The following NRP1 variants were observed in gnomAD, a reference collection of about 807,000 sequenced individuals.
NRP1 encodes the protein neuropilin-1.
Under a neutral mutation model 106.7 loss-of-function variants are expected in NRP1, and 35 were observed. The observed-to-expected ratio is 0.33, with a 90% CI of 0.25 to 0.43. The LOEUF (loss-of-function observed/expected upper bound fraction) is 0.43, where lower values mean the gene tolerates loss of function less well. NRP1 is among the 20% of genes least tolerant of loss of function. NRP1 has a pLI of 1.00. For missense variants in NRP1, 1,024 were observed against 1,170.4 expected (o/e 0.87, Z 1.83); for synonymous variants, 437 against 417.9 (o/e 1.05, Z -0.56).
intron 2 of NRP1, 44 bp downstream of exon 2, chr10:33,330,664 C>T: frequency 6.4e-7 from 1 of 1,552,298 alleles, no homozygotes; most frequent in Non-Finnish European, 8.8e-7. Context: ...GGCGTGACCA[C>T]TAGATGGTGC....
intron 3 of NRP1, among the ~76,000 whole-genome samples, chr10:33,264,111 T>C (rs1347364184): frequency 6.6e-6 from 1 of 152,242 alleles, no homozygotes; most frequent in Admixed American, 6.5e-5. Flanking sequence ...AGACTTCTGC[T>C]GTTGCAGGGA....
At chr10:33,191,956 C>T (rs1164658898) in intron 13 of NRP1, among the ~76,000 whole-genome samples, 1 of 105,896 alleles carries the variant, frequency 9.4e-6, no homozygotes, top group Non-Finnish European at 1.8e-5. Flanking sequence ...CCAGCCCGGG[C>T]AACAGTGTGA....
intron 2 of NRP1, among the ~76,000 whole-genome samples, chr10:33,305,893 C>T (rs926914304): frequency 1.1e-4 from 17 of 152,006 alleles, no homozygotes; most frequent in Admixed American, 7.2e-4. Context: ...CTCAGCCTCC[C>T]GAGTAGCTGG....
At chr10:33,246,134 T>TC (rs1442525991) in intron 6 of NRP1, among the ~76,000 whole-genome samples, 1 of 151,792 alleles carries the variant, frequency 6.6e-6, no homozygotes, top group Non-Finnish European at 1.5e-5. Context: ...TTCTTTCTTT[T>TC]TTTTTTTTTG....
intron 2 of NRP1, among the ~76,000 whole-genome samples, chr10:33,303,703 T>C (rs1224185586): frequency 6.6e-6 from 1 of 152,242 alleles, no homozygotes; most frequent in Non-Finnish European, 1.5e-5. Flanking sequence ...CTTTTGCACA[T>C]TTAGCAAACA....
rs116135909 is a variant in NRP1, at chr10:33,228,523, C to T, written c.982-2234G>A. ...TTAATTCTCCAGTGCCCATGGGCCA[C>T]GAACACTTAAAGAATTTCCATTCTA... On this transcript the variant is annotated intron_variant, in intron 6 of 16. Coordinates refer to ENST00000374867, the MANE Select transcript of NRP1 (RefSeq NM_003873.7). Among the ~76,000 whole-genome samples the T allele has an allele frequency of 5.6e-3, 851 of 152,324 alleles. 13 individuals are homozygous for T. The highest frequency in any genetic ancestry group is 0.017 in the African/African-American group (724 of 41,572).
chr10:33,292,456 A>G (rs559095430), intron 2 of NRP1, among the ~76,000 whole-genome samples: 1 of 152,306 alleles, frequency 6.6e-6, no homozygotes, highest in African/African-American at 2.4e-5. Flanking sequence ...AAAAATATAT[A>G]TGCATTTTGA....
intron 12 of NRP1, among the ~76,000 whole-genome samples, chr10:33,193,033 T>C (rs569288095): frequency 4.6e-5 from 7 of 152,378 alleles, no homozygotes; most frequent in African/African-American, 1.7e-4. Context: ...TCTGCTTTTT[T>C]AATTTCTAAA....
At chr10:33,220,327 T>C (rs1435450279) in intron 8 of NRP1, among the ~76,000 whole-genome samples, 1 of 151,916 alleles carries the variant, frequency 6.6e-6, no homozygotes, top group Admixed American at 6.6e-5. Context: ...AACAGAAAAA[T>C]GGAATAAAAA....
At chr10:33,312,555 G>C (rs1846680789) in intron 2 of NRP1, among the ~76,000 whole-genome samples, 1 of 152,224 alleles carries the variant, frequency 6.6e-6, no homozygotes, top group Non-Finnish European at 1.5e-5. Flanking sequence ...TATTTACAGT[G>C]TGATTTGCTT....
chr10:33,301,768 T>C (rs1312516471), intron 2 of NRP1, among the ~76,000 whole-genome samples: 1 of 152,160 alleles, frequency 6.6e-6, no homozygotes, highest in East Asian at 1.9e-4. Context: ...GGAGAAAAAT[T>C]GTTCCTTTCA....
chr10:33,262,499 T>C (rs1338927123), intron 4 of NRP1, among the ~76,000 whole-genome samples: 1 of 151,948 alleles, frequency 6.6e-6, no homozygotes, highest in Non-Finnish European at 1.5e-5. Flanking sequence ...GGTCAGGAGT[T>C]CGAGACCAGC....
At chr10:33,289,577 C>T (rs1306805591) in intron 2 of NRP1, among the ~76,000 whole-genome samples, 1 of 152,122 alleles carries the variant, frequency 6.6e-6, no homozygotes, top group Non-Finnish European at 1.5e-5. Flanking sequence ...AATTGTTCCT[C>T]GAAGAGCGGC....
chr10:33,304,112 C>T (rs147970331), intron 2 of NRP1, among the ~76,000 whole-genome samples: 1 of 152,272 alleles, frequency 6.6e-6, no homozygotes, highest in East Asian at 1.9e-4. Context: ...AACTCAATGT[C>T]ATTTGGTTAA....
intron 6 of NRP1, among the ~76,000 whole-genome samples, chr10:33,243,316 A>G (rs952295488): frequency 3.3e-5 from 5 of 152,188 alleles, no homozygotes; most frequent in Non-Finnish European, 7.4e-5. Context: ...GCCATACTCC[A>G]TATATTTATA....
intron 6 of NRP1, among the ~76,000 whole-genome samples, chr10:33,250,424 A>G (rs1841770460): frequency 6.6e-6 from 1 of 152,208 alleles, no homozygotes; most frequent in African/African-American, 2.4e-5. Flanking sequence ...GGTGAACCTG[A>G]AGCTAAGCTT....
At chr10:33,209,678 T>C (rs1838130015) in intron 9 of NRP1, among the ~76,000 whole-genome samples, 1 of 151,942 alleles carries the variant, frequency 6.6e-6, no homozygotes, top group African/African-American at 2.4e-5. Flanking sequence ...GGTTTCACCA[T>C]GTTGGCCAGG....
chr10:33,252,778 T>G (rs10763919), intron 6 of NRP1, among the ~76,000 whole-genome samples: 1 of 152,002 alleles, frequency 6.6e-6, no homozygotes, highest in African/African-American at 2.4e-5. Flanking sequence ...AGAGATGGAT[T>G]CAGCAATCCC....
At chr10:33,230,545 G>A (rs1260814808) in intron 6 of NRP1, among the ~76,000 whole-genome samples, 1 of 151,728 alleles carries the variant, frequency 6.6e-6, no homozygotes, top group Non-Finnish European at 1.5e-5. Flanking sequence ...GATAAAATTT[G>A]CATAAACACA....
Sources: gnomAD v4.1 joint callset for allele counts (sites outside exome capture counted in the v4.1 genomes callset) on GRCh38, gnomAD v4.1.1 for gene constraint, MANE v1.5 for transcripts, NCBI Gene and HGNC (gene_info 2026-07-23, HGNC 2026-07-21) for gene names.